Variants in NSMCE1 observed in about 807,000 individuals in gnomAD.
NSMCE1 encodes NSE1 component of SMC5/6 complex.
In NSMCE1, 18 loss-of-function variants were observed where a neutral mutation model predicts 29.6. That is an observed-to-expected ratio of 0.61 (90% confidence interval 0.42 to 0.90). The LOEUF (loss-of-function observed/expected upper bound fraction) is 0.90. Among genes scored for constraint, NSMCE1 ranks in the 40% least tolerant of loss-of-function variants. NSMCE1 has a pLI of 0.00. For synonymous variants in NSMCE1, 124 were observed against 133.4 expected (o/e 0.93, Z 0.49); for missense variants, 314 against 343.6 (o/e 0.91, Z 0.68).
intron 2 of NSMCE1, among the ~76,000 whole-genome samples, chr16:27,239,735 G>A (rs1269792469): frequency 2.6e-5 from 4 of 152,232 alleles, no homozygotes; most frequent in Non-Finnish European, 5.9e-5. Context: ...TAGCACAGAT[G>A]TCTCCTCTAG....
rs183853156 is a variant in NSMCE1 at position 27,261,428 on chromosome 16, T to C, written c.-11-3847A>G. On this transcript the variant is annotated intron_variant, in intron 1 of 7. Coordinates refer to ENST00000361439, the MANE Select transcript of NSMCE1 (RefSeq NM_145080.4). Reference sequence around the variant, plus strand: ...CTGCAAATGAGACAAATATCTGCAATTAACATACTTAAAAATATTATCAAT... The same window carrying C: ...CTGCAAATGAGACAAATATCTGCAACTAACATACTTAAAAATATTATCAAT... Among the ~76,000 whole-genome samples the C allele has an allele frequency of 1.7e-3, 266 of 152,024 alleles. 2 individuals are homozygous for C. The highest frequency in any genetic ancestry group is 0.016 in the East Asian group (85 of 5,188).
At chr16:27,250,841 CTGT>C (rs2084018914) in intron 2 of NSMCE1, among the ~76,000 whole-genome samples, 1 of 126,626 alleles carries the variant, frequency 7.9e-6, no homozygotes, top group Non-Finnish European at 1.6e-5. Flanking sequence ...TTAATTTTAA[CTGT>C]TTTTTTTTTT....
At chr16:27,247,087 A>G (rs1342012363) in intron 2 of NSMCE1, among the ~76,000 whole-genome samples, 1 of 152,174 alleles carries the variant, frequency 6.6e-6, no homozygotes, top group East Asian at 1.9e-4. Flanking sequence ...TGTAAAATAC[A>G]TATTGGATTG....
rs1480943791 is a variant in NSMCE1 at position 27,225,836 on chromosome 16, C to A, written c.611G>T (p.Cys204Phe). 1.2e-6 allele frequency: 2 copies of A among 1,614,100 alleles called. No individual in the cohort carries two copies. Among genetic ancestry groups the A allele is most frequent in the South Asian group, 2.2e-5 (2 of 91,084 alleles). ...GTGCATCCTGATCCCACAGGTTTCG[C>A]AGCTTTGACCCTGAAACAGGAAAGG... The part of the protein sequence containing the change: ...CHSLLIQGQS[C>F]ETCGIRMHLP... The change falls in exon 7 of 8, where the codon TGC becomes TTC. Residue 204 changes from cysteine (C) to phenylalanine (F), a missense_variant. By Grantham distance (205) the Cys-to-Phe change is radical. Coordinates refer to ENST00000361439, the MANE Select transcript of NSMCE1 (RefSeq NM_145080.4).
intron 2 of NSMCE1, among the ~76,000 whole-genome samples, chr16:27,254,752 A>G (rs112275621): frequency 0.013 from 1,942 of 151,264 alleles, 28 homozygotes; most frequent in African/African-American, 0.043. Context: ...CACCTGGCTA[A>G]TTTTTTGTAC....
intron 2 of NSMCE1, 135 bp from the exon 3 acceptor site, chr16:27,235,434 T>C (rs771005642): frequency 6.6e-6 from 6 of 905,428 alleles, no homozygotes; most frequent in Non-Finnish European, 1.0e-5. Flanking sequence ...TGCAGCCTCT[T>C]GGGTGAACGC....
rs1481328992 is a variant in NSMCE1 at position 27,233,129 on chromosome 16, A to C, written c.355T>G (p.Ser119Ala). Residue 119 changes from serine (S) to alanine (A), a missense_variant, in exon 5 of 8, where the codon TCA becomes GCA. Ser to Ala is a moderately conservative substitution (Grantham distance 99). Transcript: ENST00000361439. ...FRKALELIID[S>A]ETGFASSTNI... ...GTGGAAGACGCAAAGCCGGTTTCTG[A>C]GTCAATAATCAGTTCCAGCTGGAAG... The C allele has an allele frequency of 2.5e-6, 4 of 1,613,740 alleles. No individual in the cohort carries two copies. The highest frequency in any genetic ancestry group is 3.4e-6 in the Non-Finnish European group (4 of 1,179,900).
chr16:27,252,815 C>T (rs1389063235), intron 2 of NSMCE1, among the ~76,000 whole-genome samples: 4 of 151,876 alleles, frequency 2.6e-5, no homozygotes, highest in African/African-American at 4.8e-5. Context: ...GCTACTCAGG[C>T]GGCTGAGGCA....
At position 27,235,182 on chromosome 16, in the gene NSMCE1, G is replaced by A. The variant is rs376627089; in HGVS notation, c.254C>T (p.Ala85Val). 5.0e-6 allele frequency: 8 copies of A among 1,613,408 alleles called. No individual in the cohort carries two copies. In the African/African-American group the frequency reaches 6.7e-5, roughly 13 times the overall value. ...AGGGCTCTGCCGGGCACTCACCAAC[G>A]CATAAATGGGTCTCCCATCATCTTC... is the stretch of plus-strand genomic sequence containing the variant. ...VTEDDGRPIYALVNLATTSIS... is the reference protein window; with the variant it reads ...VTEDDGRPIYVLVNLATTSIS... Residue 85 changes from alanine (A) to valine (V), a missense_variant, in exon 3 of 8, where the codon GCG (alanine) becomes GTG (valine). By Grantham distance (64) the Ala-to-Val change is moderately conservative. Coordinates refer to ENST00000361439, the MANE Select transcript of NSMCE1 (RefSeq NM_145080.4).
chr16:27,260,735 C>T (rs1596698789), intron 1 of NSMCE1, among the ~76,000 whole-genome samples: 2 of 151,438 alleles, frequency 1.3e-5, no homozygotes. Context: ...GGCACACCTC[C>T]GTAGTCCCAG....
At chr16:27,231,358 C>T (rs772923958) in intron 5 of NSMCE1, among the ~76,000 whole-genome samples, 10 of 152,160 alleles carry the variant, frequency 6.6e-5, no homozygotes, top group Non-Finnish European at 1.3e-4. Context: ...GGCCTGTGGC[C>T]GGGCACGCTG....
chr16:27,262,211 T>G (rs1034861998), intron 1 of NSMCE1, among the ~76,000 whole-genome samples: 13 of 142,280 alleles, frequency 9.1e-5, no homozygotes, highest in African/African-American at 3.5e-4. Flanking sequence ...GCCATTGCAC[T>G]CCAGCCTGAG....
At chr16:27,251,207 T>TATATATAAAAAA (rs1555477430) in intron 2 of NSMCE1, among the ~76,000 whole-genome samples, 1 of 70,768 alleles carries the variant, frequency 1.4e-5, no homozygotes, top group African/African-American at 5.5e-5. Context: ...TATATATATA[T>TATATATAAAAAA]AAAACTCTGT....
chr16:27,254,371 T>C (rs2084063204), intron 2 of NSMCE1, among the ~76,000 whole-genome samples: 1 of 152,164 alleles, frequency 6.6e-6, no homozygotes, highest in East Asian at 1.9e-4. Flanking sequence ...CCTAGACACA[T>C]TCTACAGGAC....
chr16:27,244,544 C>T (rs1213053417), intron 2 of NSMCE1, among the ~76,000 whole-genome samples: 2 of 152,160 alleles, frequency 1.3e-5, no homozygotes. Context: ...ACACCAAGCT[C>T]CTCCCCATCT....
At chr16:27,227,715 C>A (rs1025864673) in intron 5 of NSMCE1, among the ~76,000 whole-genome samples, 1 of 152,112 alleles carries the variant, frequency 6.6e-6, no homozygotes, top group African/African-American at 2.4e-5. Flanking sequence ...TGCTCAACTG[C>A]CTTTTCTGTT....
At chr16:27,239,275 C>T (rs1377880694) in intron 2 of NSMCE1, among the ~76,000 whole-genome samples, 7 of 152,216 alleles carry the variant, frequency 4.6e-5, no homozygotes, top group Admixed American at 3.9e-4. Flanking sequence ...CGCTGCTTCC[C>T]AGCCTCAGGT....
Position 27,225,069 on chromosome 16 carries a change from G to C in NSMCE1, c.*88C>G, listed in dbSNP as rs2083672249. The C allele has an allele frequency of 1.3e-6, 1 of 752,356 alleles. No homozygotes were observed. Among genetic ancestry groups the C allele is most frequent in the East Asian group, 2.7e-5 (1 of 37,308 alleles). 46.6% of individuals were successfully genotyped at this position (752,356 alleles called of 1,614,324 possible). On this transcript the variant is annotated 3_prime_UTR_variant, in exon 8 of 8. Coordinates refer to ENST00000361439, the MANE Select transcript of NSMCE1 (RefSeq NM_145080.4). ...TAAGACGAAAGAGGTGACTCGCGTG[G>C]AACCTGAAACACGGACGCCTTTCTT...
intron 2 of NSMCE1, 72 bp from the exon 3 acceptor site, chr16:27,235,371 C>T: frequency 2.6e-6 from 4 of 1,549,744 alleles, no homozygotes; most frequent in Non-Finnish European, 3.5e-6. Flanking sequence ...TTGCTTGAAT[C>T]ATTCCATCCC....
Sources: allele counts gnomAD v4.1 joint callset (sites outside exome capture counted in the v4.1 genomes callset), GRCh38; gene constraint gnomAD v4.1.1; transcripts MANE v1.5; gene names NCBI Gene and HGNC (gene_info 2026-07-23, HGNC 2026-07-21).